The following EPHA2 variants were observed in gnomAD, a reference collection of about 807,000 sequenced individuals.
EPHA2 encodes the protein EPH receptor A2, also known as ephrin type-A receptor 2.
Under a neutral mutation model 104.9 loss-of-function variants are expected in EPHA2, and 54 were observed. The ratio of observed to expected loss-of-function variants is 0.51; its 90% CI spans 0.41 to 0.65. EPHA2 has a LOEUF of 0.65. Among genes scored for constraint, EPHA2 ranks in the 30% least tolerant of loss-of-function variants. EPHA2 has a pLI of 0.00. For missense variants in EPHA2, 1,117 were observed against 1,369.5 expected (o/e 0.82, Z 2.91); for synonymous variants, 560 against 559.1 (o/e 1.00, Z -0.02).
At position 16,148,174 on chromosome 1, in the gene EPHA2, C is replaced by A. The variant is rs1248094677; in HGVS notation, c.823+204G>T. Reference sequence around the variant, plus strand: ...TACAGGCATGAGCCACCGTGCCCAGCCACAATTCATTCATTCTTAATGAAT... The same window carrying A: ...TACAGGCATGAGCCACCGTGCCCAGACACAATTCATTCATTCTTAATGAAT... On this transcript the variant is annotated intron_variant, in intron 3 of 16. Coordinates refer to ENST00000358432, the MANE Select transcript of EPHA2 (RefSeq NM_004431.5). The surrounding 1 kb of genome is among the most constrained non-coding windows in gnomAD (Gnocchi z 4.9). 6.6e-6 allele frequency among the ~76,000 whole-genome samples: 1 copy of A among 152,176 alleles called. No individual in the cohort carries two copies. Among genetic ancestry groups the A allele is most frequent in the Admixed American group, 6.5e-5 (1 of 15,278 alleles).
Position 16,133,194 on chromosome 1 carries a change from C to G in EPHA2, c.2039G>C (p.Gly680Ala). 1 of 1,613,544 alleles carries G rather than the reference C, an allele frequency of 6.2e-7. No individual in the cohort carries two copies. The highest frequency in any genetic ancestry group is 8.5e-7 in the Non-Finnish European group (1 of 1,179,876). Residue 680 changes from glycine (G) to alanine (A), a missense_variant, in exon 11 of 17, where the codon GGC becomes GCC. Gly to Ala is a moderately conservative substitution (Grantham distance 60, BLOSUM62 0). This residue lies in a region of EPHA2 where 340 missense variants were observed against 480.5 expected (regional missense o/e 0.71). Transcript: ENST00000358432. ...CCAAGCCTCACATTTGGAGATGACG[C>G]CCTCTAGGCGGATGATGTTGTGGTG... ...FSHHNIIRLE[G>A]VISKYKPMMI... is the part of the protein sequence containing the mutation.
chr1:16,135,185 T>G lies in EPHA2; in HGVS notation c.1433A>C (p.Asp478Ala). The G allele has an allele frequency of 6.2e-7, 1 of 1,613,338 alleles. No homozygotes were observed. The highest frequency in any genetic ancestry group is 8.5e-7 in the Non-Finnish European group (1 of 1,179,864). ...KYEVTYRKKGDSNSYNVRRTE... is the reference protein window; with the variant it reads ...KYEVTYRKKGASNSYNVRRTE... ...GCGGCGCACATTGTAGCTGTTGGAG[T>G]CTCCCTGTGGGTGGGTGGCCGGCGG... The change falls in exon 7 of 17, where the codon GAC (aspartate) becomes GCC (alanine). Residue 478 changes from aspartate (D) to alanine (A), a missense_variant. Physicochemically the swap from Asp to Ala is moderately radical, Grantham distance 126. Coordinates refer to ENST00000358432, the MANE Select transcript of EPHA2 (RefSeq NM_004431.5). The surrounding 1 kb of genome is among the most constrained non-coding windows in gnomAD (Gnocchi z 4.3).
At chr1:16,127,559 T>C (rs930370121) in intron 16 of EPHA2, among the ~76,000 whole-genome samples, 4 of 152,198 alleles carry the variant, frequency 2.6e-5, no homozygotes, top group African/African-American at 7.2e-5. Context: ...CCTGATCCCA[T>C]TGGGAAAGGC....
chr1:16,126,152 C>A (rs1359243839), intron 16 of EPHA2, among the ~76,000 whole-genome samples: 2 of 152,148 alleles, frequency 1.3e-5, no homozygotes, highest in Non-Finnish European at 2.9e-5. Flanking sequence ...TGCCCAGGAG[C>A]CCACAGCCCT....
At position 16,135,864 on chromosome 1, in the gene EPHA2, A is replaced by G; in HGVS notation, c.1313-94T>C. 1.4e-6 allele frequency: 1 copy of G among 697,796 alleles called. No homozygotes were observed. The highest frequency in any genetic ancestry group is 1.5e-5 in the South Asian group (1 of 65,460). 43.2% of individuals were successfully genotyped at this position (697,796 alleles called of 1,614,324 possible). A position where few individuals can be genotyped will look rare whatever the true frequency, so the allele number is the denominator to read the frequency against. ...AAGTGGACGTGGAGCCACATCCTCCACAGCCCAGATTCTTTCATTTTTTTG... is the reference window on the plus strand; with the variant it reads ...AAGTGGACGTGGAGCCACATCCTCCGCAGCCCAGATTCTTTCATTTTTTTG... On this transcript the variant is annotated intron_variant, in intron 5 of 16. Coordinates refer to ENST00000358432, the MANE Select transcript of EPHA2 (RefSeq NM_004431.5). This position sits in a 1 kb window ranked among gnomAD's most constrained non-coding sequence, Gnocchi z 4.3.
intron 16 of EPHA2, 88 bp downstream of exon 16, chr1:16,129,346 G>A: frequency 6.8e-7 from 1 of 1,468,104 alleles, no homozygotes; most frequent in South Asian, 1.2e-5. Context: ...AGCATTGAGG[G>A]GCAGGGAAGA....
At chr1:16,155,206 T>C (rs2025130330) in intron 1 of EPHA2, 1 of 152,294 alleles carries the variant, frequency 6.6e-6, no homozygotes, top group Non-Finnish European at 1.5e-5. Context: ...ACTTTGGGAC[T>C]TCCTGTCCGC....
intron 8 of EPHA2, 64 bp from the exon 9 acceptor site, chr1:16,133,979 G>A: frequency 6.6e-7 from 1 of 1,505,884 alleles, no homozygotes; most frequent in Non-Finnish European, 9.0e-7. Context: ...GGCCAGGGAA[G>A]CCTCCTGGCC....
intron 5 of EPHA2, 150 bp downstream of exon 5, chr1:16,137,703 A>C: frequency 1.1e-6 from 1 of 878,024 alleles, no homozygotes; most frequent in South Asian, 1.6e-5. Flanking sequence ...CATGTGGCCC[A>C]CGGGTTGGAC....
chr1:16,135,558 T>A lies in EPHA2; in HGVS notation c.1428+97A>T. ...GTTTCCCCATCTGCAGAAGGGTGCT[T>A]CTTCAGATGGCTGGGTGGTTTGGTG... On this transcript the variant is annotated intron_variant, in intron 6 of 16. Transcript: ENST00000358432. This position sits in a 1 kb window ranked among gnomAD's most constrained non-coding sequence, Gnocchi z 4.3. 8.2e-7 allele frequency: 1 copy of A among 1,218,692 alleles called. No individual in the cohort carries two copies. The highest frequency in any genetic ancestry group is 1.2e-6 in the Non-Finnish European group (1 of 823,380). 75.5% of individuals were successfully genotyped at this position (1,218,692 alleles called of 1,614,324 possible). A position where few individuals can be genotyped will look rare whatever the true frequency, so the allele number is the denominator to read the frequency against.
intron 1 of EPHA2, among the ~76,000 whole-genome samples, chr1:16,153,746 G>A (rs1042456934): frequency 5.9e-5 from 9 of 152,288 alleles, no homozygotes; most frequent in East Asian, 5.8e-4. Flanking sequence ...ATAGCCTAGG[G>A]GTGAGGGGGC....
chr1:16,155,710 C>G (rs1266850502), intron 1 of EPHA2, 138 bp downstream of exon 1: 2 of 644,530 alleles, frequency 3.1e-6, no homozygotes, highest in Admixed American at 4.4e-5. Flanking sequence ...CGATCGCAGC[C>G]CGTGCGCCCT....
chr1:16,124,909 G>T lies in EPHA2; in HGVS notation c.*306C>A. ...AGAAGGCGGAGGGAAGGTCGGCTTG[G>T]GAATATCCCATATGTCTGTCCGAAG... is the stretch of plus-strand genomic sequence containing the variant. On this transcript the variant is annotated 3_prime_UTR_variant, in exon 17 of 17. Coordinates refer to ENST00000358432, the MANE Select transcript of EPHA2 (RefSeq NM_004431.5). 1 of 371,800 alleles carries T rather than the reference G, an allele frequency of 2.7e-6. No homozygotes were observed. The highest frequency in any genetic ancestry group is 5.1e-6 in the Non-Finnish European group (1 of 195,996). 23.0% of individuals were successfully genotyped at this position (371,800 alleles called of 1,614,324 possible). A position where few individuals can be genotyped will look rare whatever the true frequency, so the allele number is the denominator to read the frequency against.
Position 16,134,463 on chromosome 1 carries a change from C to G in EPHA2, c.1682+5G>C. 6.2e-7 allele frequency: 1 copy of G among 1,613,920 alleles called. No homozygotes were observed. The highest frequency in any genetic ancestry group is 8.5e-7 in the Non-Finnish European group (1 of 1,179,956). On this transcript the variant is annotated splice_donor_5th_base_variant and intron_variant, in intron 8 of 16. Coordinates refer to ENST00000358432, the MANE Select transcript of EPHA2 (RefSeq NM_004431.5). The surrounding 1 kb of genome is among the most constrained non-coding windows in gnomAD (Gnocchi z 4.5). ...TGTGGAGCCAGGGTATGGGCTCTGA[C>G]GAACCTGCGGTGGATAAAGAAGCCA...
chr1:16,140,920 G>C (rs764471400), intron 3 of EPHA2, among the ~76,000 whole-genome samples: 1 of 151,580 alleles, frequency 6.6e-6, no homozygotes, highest in Admixed American at 6.6e-5. Flanking sequence ...TTTTAGAGAC[G>C]GGGTGTGTCT....
At chr1:16,154,781 G>C (rs201786439) in intron 1 of EPHA2, among the ~76,000 whole-genome samples, 1 of 92,464 alleles carries the variant, frequency 1.1e-5, no homozygotes, top group African/African-American at 3.6e-5. Context: ...AAAAAAAAAA[G>C]AAGGAAACTT....
chr1:16,136,319 A>AATT (rs1484425251), intron 5 of EPHA2, among the ~76,000 whole-genome samples: 5 of 147,838 alleles, frequency 3.4e-5, no homozygotes, highest in Admixed American at 6.8e-5. Flanking sequence ...TAATAATAAT[A>AATT]ATAATAATAA....
chr1:16,144,463 C>T (rs772609948), intron 3 of EPHA2, among the ~76,000 whole-genome samples: 1 of 152,206 alleles, frequency 6.6e-6, no homozygotes, highest in Admixed American at 6.5e-5. Context: ...CCGAGACCAC[C>T]CTGTCTAAAG....
At chr1:16,133,948 G>C (rs1470534785) in intron 8 of EPHA2, 33 bp from the exon 9 acceptor site, 1 of 1,548,760 alleles carries the variant, frequency 6.5e-7, no homozygotes, top group Non-Finnish European at 8.7e-7. Context: ...CAAATGCAGG[G>C]AGGTCAGTGA....
Sources: gnomAD v4.1 joint callset for allele counts (sites outside exome capture counted in the v4.1 genomes callset) on GRCh38, gnomAD v4.1.1 for gene constraint, gnomAD v4.1.1 regional missense constraint, Gnocchi (gnomAD v3.1) non-coding constraint, MANE v1.5 for transcripts, NCBI Gene and HGNC (gene_info 2026-07-23, HGNC 2026-07-21) for gene names.